Variants in DGKB observed in about 807,000 individuals in gnomAD.
DGKB encodes the protein diacylglycerol kinase beta.
A neutral mutation model predicts 114.3 loss-of-function variants in DGKB; 67 were observed. That is an observed-to-expected ratio of 0.59 (90% CI 0.48 to 0.72). DGKB has a LOEUF of 0.72. Among genes scored for constraint, DGKB ranks in the 30% least tolerant of loss-of-function variants. The pLI, the probability that DGKB is intolerant of heterozygous loss-of-function variation, is 0.00. For missense variants in DGKB, 907 were observed against 975.2 expected, an observed-to-expected ratio of 0.93 and a Z score of 0.93; for synonymous variants, 398 against 323.1, an observed-to-expected ratio of 1.23 and a Z score of -2.49.
intron 21 of DGKB, among the ~76,000 whole-genome samples, chr7:14,448,024 G>T (rs1019849412): frequency 4.6e-5 from 7 of 152,054 alleles, no homozygotes; most frequent in African/African-American, 1.7e-4. Context: ...TCCAGTTTAT[G>T]CATGCATTCA....
At chr7:14,555,884 C>T (rs1795796929) in intron 20 of DGKB, among the ~76,000 whole-genome samples, 1 of 152,178 alleles carries the variant, frequency 6.6e-6, no homozygotes, top group South Asian at 2.1e-4. Context: ...AAAGGGGAGG[C>T]ATGAATTATC....
chr7:14,961,693 T>C (rs1786852279), intron 1 of DGKB, among the ~76,000 whole-genome samples: 1 of 152,162 alleles, frequency 6.6e-6, no homozygotes, highest in Non-Finnish European at 1.5e-5. Flanking sequence ...GGAACTCTCC[T>C]AACCATCAAT....
chr7:14,583,526 T>C (rs2128728631), intron 17 of DGKB, among the ~76,000 whole-genome samples: 1 of 152,328 alleles, frequency 6.6e-6, no homozygotes, highest in East Asian at 1.9e-4. Context: ...TCCAAAATTA[T>C]CTTTTGAGTG....
chr7:14,716,109 C>T (rs1211432038), intron 6 of DGKB, among the ~76,000 whole-genome samples: 1 of 152,118 alleles, frequency 6.6e-6, no homozygotes. Flanking sequence ...CTAACAAATA[C>T]TGCCACTATT....
chr7:14,257,742 T>C (rs1796151450), intron 23 of DGKB, among the ~76,000 whole-genome samples: 1 of 152,210 alleles, frequency 6.6e-6, no homozygotes, highest in Admixed American at 6.5e-5. Flanking sequence ...ACTTATTTTT[T>C]TGAGATGGAG....
chr7:14,215,091 T>C (rs570295248), intron 23 of DGKB, among the ~76,000 whole-genome samples: 12 of 152,274 alleles, frequency 7.9e-5, no homozygotes, highest in African/African-American at 2.6e-4. Flanking sequence ...GACAAAAGCA[T>C]GAACGCAATG....
chr7:14,784,150 C>CT lies in DGKB; in HGVS notation c.71-26420dup, dbSNP rs567678689. Among the ~76,000 whole-genome samples, 590 of 150,480 alleles carry CT rather than the reference C, an allele frequency of 3.9e-3. 2 individuals carry two copies. Among genetic ancestry groups the CT allele is most frequent in the African/African-American group, 6.9e-3 (283 of 41,022 alleles). On this transcript the variant is annotated intron_variant, in intron 2 of 25. Coordinates refer to ENST00000402815, the MANE Select transcript of DGKB (RefSeq NM_001350709.2). ...ATAATTAGATTATGATATATATTGC[C>CT]TTTTTTTTTACTACAATCTACTGAT...
chr7:14,835,911 T>C (rs1258279050), intron 2 of DGKB, among the ~76,000 whole-genome samples: 1 of 152,190 alleles, frequency 6.6e-6, no homozygotes, highest in Non-Finnish European at 1.5e-5. Flanking sequence ...TGTCTCCCTC[T>C]GAGGCTTACT....
At chr7:14,326,172 T>A (rs1357744181) in intron 23 of DGKB, among the ~76,000 whole-genome samples, 1 of 151,914 alleles carries the variant, frequency 6.6e-6, no homozygotes, top group Non-Finnish European at 1.5e-5. Context: ...GCCTTCAATG[T>A]CTATGTCAAA....
chr7:14,801,915 TATATAC>T (rs1310041020), intron 2 of DGKB, among the ~76,000 whole-genome samples: 5 of 130,782 alleles, frequency 3.8e-5, no homozygotes, highest in Non-Finnish European at 7.5e-5. Flanking sequence ...TATACACACA[TATATAC>T]ATATACACAC....
rs150015952 is a variant in DGKB, at chr7:14,490,061, C to G, written c.1771-11836G>C. Among the ~76,000 whole-genome samples the G allele has an allele frequency of 7.9e-4, 121 of 152,208 alleles. 1 individual carries two copies. Among genetic ancestry groups the G allele is most frequent in the African/African-American group, 2.9e-3 (120 of 41,536 alleles). On this transcript the variant is annotated intron_variant, in intron 20 of 25. Coordinates refer to ENST00000402815, the MANE Select transcript of DGKB (RefSeq NM_001350709.2). ...AACAGTATCGATGCTGCACCAAGAA[C>G]AGAGTGCAAAGTACAATTATATAGT...
At chr7:14,218,583 G>A (rs1389700856) in intron 23 of DGKB, among the ~76,000 whole-genome samples, 2 of 152,036 alleles carry the variant, frequency 1.3e-5, no homozygotes, top group South Asian at 2.1e-4. Flanking sequence ...TGCTTTGAAA[G>A]TGAATCCTGC....
At chr7:14,491,290 A>G (rs565328256) in intron 20 of DGKB, among the ~76,000 whole-genome samples, 9 of 152,028 alleles carry the variant, frequency 5.9e-5, no homozygotes, top group Non-Finnish European at 1.0e-4. Flanking sequence ...TTTAAGGGGA[A>G]ACTCCTTTCA....
chr7:14,652,461 A>C (rs1354108810), intron 13 of DGKB, among the ~76,000 whole-genome samples: 1 of 152,036 alleles, frequency 6.6e-6, no homozygotes, highest in Non-Finnish European at 1.5e-5. Context: ...AGAAAGCTGA[A>C]ACTGGATCCC....
intron 23 of DGKB, among the ~76,000 whole-genome samples, chr7:14,328,270 T>C (rs1809103666): frequency 6.6e-6 from 1 of 152,084 alleles, no homozygotes; most frequent in Non-Finnish European, 1.5e-5. Flanking sequence ...CATTTATATA[T>C]TCGGTAAAAT....
At chr7:14,426,020 C>A (rs2128775246) in intron 21 of DGKB, among the ~76,000 whole-genome samples, 1 of 152,198 alleles carries the variant, frequency 6.6e-6, no homozygotes, top group East Asian at 1.9e-4. Flanking sequence ...ATCTAATTAA[C>A]CTGAAACTCC....
At position 14,877,672 on chromosome 7, in the gene DGKB, CCT is replaced by C. The variant is rs1853523859; in HGVS notation, c.-188+24918_-188+24919del. 3.3e-5 allele frequency among the ~76,000 whole-genome samples: 5 copies of C among 152,158 alleles called. No homozygotes were observed. In the South Asian group the frequency reaches 1.0e-3, roughly 32 times the overall value. ...TAAATAAATGGTTTATAACTTATAA[CCT>C]CTGTTTTCAAATGTTCTGCAGAAAA... is the stretch of plus-strand genomic sequence containing the variant. On this transcript the variant is annotated intron_variant, in intron 1 of 25. Coordinates refer to ENST00000402815, the MANE Select transcript of DGKB (RefSeq NM_001350709.2).
intron 20 of DGKB, among the ~76,000 whole-genome samples, chr7:14,538,085 CAAAAA>C (rs58405374): frequency 0.014 from 631 of 44,780 alleles, 1 homozygote; most frequent in African/African-American, 0.044. Flanking sequence ...ATCTCTGTCT[CAAAAA>C]AAAAAAAAAA....
intron 21 of DGKB, among the ~76,000 whole-genome samples, chr7:14,356,312 C>G (rs1029969658): frequency 1.5e-5 from 2 of 137,660 alleles, no homozygotes; most frequent in African/African-American, 5.5e-5. Flanking sequence ...TTCTTGCCTT[C>G]TGTTAGCTTT....
Sources: allele counts gnomAD v4.1 joint callset (sites outside exome capture counted in the v4.1 genomes callset), GRCh38; gene constraint gnomAD v4.1.1; transcripts MANE v1.5; gene names NCBI Gene and HGNC (gene_info 2026-07-23, HGNC 2026-07-21).